The following SRRM4 variants were observed in gnomAD, a reference collection of about 807,000 sequenced individuals.
The protein encoded by SRRM4 is serine/arginine repetitive matrix 4, also known as serine/arginine repetitive matrix protein 4.
SRRM4 carries 33 observed loss-of-function variants against 68.9 expected under a neutral mutation model. The ratio of observed to expected loss-of-function variants is 0.48; its 90% CI spans 0.36 to 0.64. SRRM4 has a LOEUF of 0.64. Ranked by LOEUF, SRRM4 falls within the 30% of genes least tolerant of loss-of-function variation. The pLI, the probability that SRRM4 is intolerant of heterozygous loss-of-function variation, is 0.00. For missense variants in SRRM4, 817 were observed against 827.1 expected, an observed-to-expected ratio of 0.99 and a Z score of 0.15; for synonymous variants, 318 against 318.8, an observed-to-expected ratio of 1.00 and a Z score of 0.03.
At chr12:119,074,427 T>C (rs1274266172) in intron 1 of SRRM4, among the ~76,000 whole-genome samples, 2 of 152,180 alleles carry the variant, frequency 1.3e-5, no homozygotes, top group African/African-American at 4.8e-5. Context: ...TAAAAGATTA[T>C]TGCCCAACTT....
intron 10 of SRRM4, 42 bp from the exon 11 acceptor site, chr12:119,153,497 G>T (rs1954451651): frequency 7.4e-7 from 1 of 1,356,372 alleles, no homozygotes; most frequent in Non-Finnish European, 1.0e-6. Context: ...AACCCAGGCG[G>T]ACACTCAGCA....
At chr12:119,149,219 G>A (rs116428287) in intron 9 of SRRM4, among the ~76,000 whole-genome samples, 1,638 of 152,266 alleles carry the variant, frequency 0.011, 31 homozygotes, top group African/African-American at 0.033. Flanking sequence ...GTGGTGGTGC[G>A]CACCTGCAGT....
chr12:119,156,726 G>A lies in SRRM4; in HGVS notation c.1764G>A (p.Arg588=). 6.5e-7 allele frequency: 1 copy of A among 1,546,386 alleles called. No homozygotes were observed. Among genetic ancestry groups the A allele is most frequent in the Non-Finnish European group, 8.7e-7 (1 of 1,146,084 alleles). ...GCAGCCGGAGCCGGAGCAGGAGCCG[G>A]AGCCGGAGCCGGAGCAGGAGCCAGA... The part of the protein sequence containing the change: ...GSRSRSRSRS[R]SRSRSRSQSR... The change falls in exon 13 of 13, where the codon CGG becomes CGA. Residue 588 remains arginine, a synonymous_variant. Coordinates refer to ENST00000267260, the MANE Select transcript of SRRM4 (RefSeq NM_194286.4).
chr12:119,081,788 A>C (rs1428699687), intron 1 of SRRM4, among the ~76,000 whole-genome samples: 2 of 152,356 alleles, frequency 1.3e-5, no homozygotes, highest in Non-Finnish European at 2.9e-5. Context: ...TGGATTCTGA[A>C]TGTACTTTGA....
rs377727661 is a variant in SRRM4, at chr12:119,078,433, A to G, written c.132-23803A>G. Among the ~76,000 whole-genome samples, 25 of 152,328 alleles carry G rather than the reference A, an allele frequency of 1.6e-4. No homozygotes were observed. The East Asian group carries it at 2.3e-3, about 14-fold the overall frequency. Reference sequence around the variant, plus strand: ...AACTGAATCAATGGTGTTCATTTCTAAGAGCCCTAGTCACTGCTGCACATA... The same window carrying G: ...AACTGAATCAATGGTGTTCATTTCTGAGAGCCCTAGTCACTGCTGCACATA... On this transcript the variant is annotated intron_variant, in intron 1 of 12. Transcript: ENST00000267260.
intron 1 of SRRM4, among the ~76,000 whole-genome samples, chr12:119,008,360 T>C (rs888438216): frequency 2.1e-5 from 3 of 140,314 alleles, no homozygotes; most frequent in African/African-American, 8.6e-5. Context: ...TGAGATCCTG[T>C]CTCAAAAAAA....
At chr12:119,073,343 G>C (rs1768502303) in intron 1 of SRRM4, among the ~76,000 whole-genome samples, 2 of 114,556 alleles carry the variant, frequency 1.7e-5, no homozygotes, top group Non-Finnish European at 3.9e-5. Flanking sequence ...GTTTGTTTGA[G>C]AAGGAGTCTC....
At chr12:119,089,635 T>C (rs1166251126) in intron 1 of SRRM4, among the ~76,000 whole-genome samples, 1 of 152,196 alleles carries the variant, frequency 6.6e-6, no homozygotes, top group East Asian at 1.9e-4. Flanking sequence ...ATTTGAGAGC[T>C]TGCTGATGAT....
intron 8 of SRRM4, among the ~76,000 whole-genome samples, chr12:119,131,617 C>G (rs561359678): frequency 6.6e-6 from 1 of 152,326 alleles, no homozygotes; most frequent in South Asian, 2.1e-4. Flanking sequence ...AGAAATGGAT[C>G]TGAATTCAGT....
intron 9 of SRRM4, 116 bp from the exon 10 acceptor site, chr12:119,150,901 G>A (rs778408119): frequency 1.0e-5 from 9 of 883,762 alleles, no homozygotes; most frequent in African/African-American, 1.7e-5. Context: ...ATGGGAAAAG[G>A]GGCAAAGAGG....
intron 1 of SRRM4, among the ~76,000 whole-genome samples, chr12:119,059,419 G>T (rs1953797258): frequency 6.6e-6 from 1 of 152,134 alleles, no homozygotes; most frequent in Admixed American, 6.6e-5. Context: ...AGGACTTGGG[G>T]AGCCAGAGGA....
chr12:119,032,545 C>T (rs1371866356), intron 1 of SRRM4, among the ~76,000 whole-genome samples: 1 of 152,132 alleles, frequency 6.6e-6, no homozygotes, highest in Non-Finnish European at 1.5e-5. Flanking sequence ...GCCCATTTCT[C>T]TCTTTAAAAA....
At chr12:119,034,423 C>T (rs2136007774) in intron 1 of SRRM4, among the ~76,000 whole-genome samples, 1 of 152,250 alleles carries the variant, frequency 6.6e-6, no homozygotes, top group East Asian at 1.9e-4. Context: ...ATCCCGGTCT[C>T]CATCACAGTT....
At chr12:118,996,942 T>TGAG (rs1252203450) in intron 1 of SRRM4, among the ~76,000 whole-genome samples, 7 of 152,180 alleles carry the variant, frequency 4.6e-5, no homozygotes, top group African/African-American at 1.7e-4. Flanking sequence ...GGAGGAAGGT[T>TGAG]CTGCACAGAG....
At chr12:118,985,845 G>A (rs1269280321) in intron 1 of SRRM4, among the ~76,000 whole-genome samples, 1 of 152,122 alleles carries the variant, frequency 6.6e-6, no homozygotes, top group African/African-American at 2.4e-5. Context: ...AGCAGCTAAA[G>A]GCTTAATGAA....
chr12:119,078,608 T>G (rs190411141), intron 1 of SRRM4, among the ~76,000 whole-genome samples: 1 of 152,280 alleles, frequency 6.6e-6, no homozygotes, highest in Admixed American at 6.5e-5. Flanking sequence ...CACTGGCAAA[T>G]CTACAGTCAT....
intron 1 of SRRM4, among the ~76,000 whole-genome samples, chr12:119,059,190 AC>A: frequency 6.6e-6 from 1 of 151,936 alleles, no homozygotes; most frequent in East Asian, 1.9e-4. Context: ...TTCCCTACCC[AC>A]CCTGTCCCTT....
chr12:119,159,051 TC>T lies in SRRM4; in HGVS notation c.*2255del, dbSNP rs1279970953. The T allele has an allele frequency of 6.6e-6, 1 of 151,614 alleles. No individual in the cohort carries two copies. Among genetic ancestry groups the T allele is most frequent in the African/African-American group, 2.4e-5 (1 of 41,180 alleles). The allele number at this position is 151,614 out of a possible 1,614,324, so 9.4% of individuals were successfully genotyped here. A position where few individuals can be genotyped will look rare whatever the true frequency, so the allele number is the denominator to read the frequency against. On this transcript the variant is annotated 3_prime_UTR_variant, in exon 13 of 13. Transcript: ENST00000267260. ...ATCTCCTAAATTATTTCTGTGCATCTCCTTTTTTTTTCTGCTGTTTTTTATG... is the reference window on the plus strand; with the variant it reads ...ATCTCCTAAATTATTTCTGTGCATCTCTTTTTTTTTCTGCTGTTTTTTATG...
intron 1 of SRRM4, among the ~76,000 whole-genome samples, chr12:119,081,575 T>G (rs528931490): frequency 1.1e-3 from 173 of 152,232 alleles, no homozygotes; most frequent in Middle Eastern, 3.4e-3. Context: ...ACTTTGGCTT[T>G]AGGGAAGTGA....
Sources: gnomAD v4.1 joint callset for allele counts (sites outside exome capture counted in the v4.1 genomes callset) on GRCh38, gnomAD v4.1.1 for gene constraint, MANE v1.5 for transcripts, NCBI Gene and HGNC (gene_info 2026-07-23, HGNC 2026-07-21) for gene names.